Variants in JARID2 observed in about 807,000 individuals in gnomAD.
JARID2 encodes jumonji and AT-rich interaction domain containing 2, also known as protein Jumonji.
A neutral mutation model predicts 125.6 loss-of-function variants in JARID2; 21 were observed. The observed-to-expected ratio is 0.17, with a 90% CI of 0.12 to 0.24. JARID2 has a LOEUF of 0.24. JARID2 is among the 10% of genes least tolerant of loss of function. The probability of loss-of-function intolerance (pLI) is 1.00; values close to 1 mark genes in which losing one functional copy is unlikely to be tolerated. For missense variants in JARID2, 1,303 were observed against 1,639.6 expected, an observed-to-expected ratio of 0.79 and a Z score of 3.55; for synonymous variants, 736 against 661.6, an observed-to-expected ratio of 1.11 and a Z score of -1.73.
intron 1 of JARID2, among the ~76,000 whole-genome samples, chr6:15,315,366 G>T (rs925219291): frequency 7.2e-5 from 11 of 152,156 alleles, no homozygotes; most frequent in African/African-American, 2.7e-4. Context: ...GATTAATTAC[G>T]AAGGTTGATG....
At chr6:15,258,455 G>A (rs958975741) in intron 1 of JARID2, among the ~76,000 whole-genome samples, 1 of 152,138 alleles carries the variant, frequency 6.6e-6, no homozygotes, top group East Asian at 1.9e-4. Context: ...TTTGTGGGAG[G>A]CTGAATCAAA....
chr6:15,423,127 T>G (rs1323806356), intron 3 of JARID2, among the ~76,000 whole-genome samples: 1 of 151,968 alleles, frequency 6.6e-6, no homozygotes, highest in Admixed American at 6.6e-5. Flanking sequence ...AGCCTCCAAG[T>G]AGGTGGGACT....
At chr6:15,293,824 A>G (rs560866509) in intron 1 of JARID2, among the ~76,000 whole-genome samples, 99 of 152,330 alleles carry the variant, frequency 6.5e-4, no homozygotes, top group African/African-American at 2.3e-3. Flanking sequence ...GCATCTGGCC[A>G]ACTCCTCTGC....
At chr6:15,436,518 A>C (rs1767210663) in intron 3 of JARID2, among the ~76,000 whole-genome samples, 1 of 152,150 alleles carries the variant, frequency 6.6e-6, no homozygotes, top group Admixed American at 6.5e-5. Context: ...GGGGCGTGGC[A>C]GATCAGGGTG....
intron 3 of JARID2, among the ~76,000 whole-genome samples, chr6:15,432,470 C>A (rs72836324): frequency 9.5e-5 from 12 of 126,494 alleles, no homozygotes; most frequent in Non-Finnish European, 1.5e-4. Flanking sequence ...ACAACAACAA[C>A]AACAACAACA....
rs745910520 is a variant in JARID2 at position 15,413,002 on chromosome 6, G to GTTTTTTTTTTTTTTTTTTTTTTT, written c.323+2642_323+2643insTTTTTTTTTTTTTTTTTTTTTTT. ...AACATTATACATGGGAAGAGCTTGT[G>GTTTTTTTTTTTTTTTTTTTTTTT]TTTTTGTTTTTTTTTTTTTTGTTTT... On this transcript the variant is annotated intron_variant, in intron 3 of 17. Coordinates refer to ENST00000341776, the MANE Select transcript of JARID2 (RefSeq NM_004973.4). 4.5e-4 allele frequency among the ~76,000 whole-genome samples: 21 copies of GTTTTTTTTTTTTTTTTTTTTTTT among 46,556 alleles called. 7 individuals carry two copies. The highest frequency in any genetic ancestry group is 5.5e-4 in the Admixed American group (2 of 3,628). The allele number at this position is 46,556 out of a possible 152,430, so 30.5% of individuals were successfully genotyped here.
At chr6:15,383,450 CCATTG>C (rs1256286841) in intron 2 of JARID2, among the ~76,000 whole-genome samples, 1 of 152,108 alleles carries the variant, frequency 6.6e-6, no homozygotes, top group African/African-American at 2.4e-5. Flanking sequence ...TTCATTCCCA[CCATTG>C]TAGAAACATG....
chr6:15,493,764 T>G (rs1180995096), intron 6 of JARID2, among the ~76,000 whole-genome samples: 1 of 152,186 alleles, frequency 6.6e-6, no homozygotes, highest in East Asian at 1.9e-4. Flanking sequence ...TGTTTTGGTT[T>G]TAGTGGAAGC....
chr6:15,513,427 G>T lies in JARID2; in HGVS notation c.3450+5G>T. On this transcript the variant is annotated splice_donor_5th_base_variant and intron_variant, in intron 16 of 17. Transcript: ENST00000341776. ...CACCTGTGCTACCTGTCCATGGTGAGCCCGCCTGGCCCTGCCGGCGCCCTC... is the reference window on the plus strand; with the variant it reads ...CACCTGTGCTACCTGTCCATGGTGATCCCGCCTGGCCCTGCCGGCGCCCTC... The T allele has an allele frequency of 6.3e-7, 1 of 1,592,278 alleles. No individual in the cohort carries two copies.
chr6:15,460,449 G>T (rs1250238361), intron 4 of JARID2, among the ~76,000 whole-genome samples: 1 of 152,180 alleles, frequency 6.6e-6, no homozygotes, highest in Non-Finnish European at 1.5e-5. Context: ...GAGTCCTTGA[G>T]TCTTTCTGAA....
intron 1 of JARID2, 50 bp downstream of exon 1, chr6:15,246,634 C>T: frequency 2.8e-6 from 4 of 1,419,640 alleles, no homozygotes; most frequent in Non-Finnish European, 4.0e-6. Context: ...TAAGCAATGG[C>T]TGTGAATGTC....
chr6:15,377,322 C>T (rs1764393773), intron 2 of JARID2, among the ~76,000 whole-genome samples: 1 of 151,892 alleles, frequency 6.6e-6, no homozygotes, highest in African/African-American at 2.4e-5. Flanking sequence ...GAGACTTACT[C>T]ACTATCACAA....
chr6:15,377,314 GACTT>G (rs1395905898), intron 2 of JARID2, among the ~76,000 whole-genome samples: 2 of 152,116 alleles, frequency 1.3e-5, no homozygotes, highest in Non-Finnish European at 2.9e-5. Context: ...GATTTCGTGA[GACTT>G]ACTCACTATC....
chr6:15,510,883 C>T (rs373708552), intron 12 of JARID2, among the ~76,000 whole-genome samples: 1 of 152,242 alleles, frequency 6.6e-6, no homozygotes, highest in Admixed American at 6.5e-5. Flanking sequence ...TTATCAGGTG[C>T]TGCTCCTGCA....
At chr6:15,304,261 C>T (rs905728945) in intron 1 of JARID2, among the ~76,000 whole-genome samples, 2 of 150,686 alleles carry the variant, frequency 1.3e-5, no homozygotes, top group African/African-American at 4.9e-5. Context: ...TCCTTTTCCT[C>T]CCTCCTGGAG....
At chr6:15,316,389 T>C (rs1762181203) in intron 1 of JARID2, among the ~76,000 whole-genome samples, 2 of 152,220 alleles carry the variant, frequency 1.3e-5, no homozygotes, top group South Asian at 4.1e-4. Context: ...TCTATGCTTC[T>C]GTCTCAGATT....
At chr6:15,468,822 C>G in intron 5 of JARID2, 104 bp downstream of exon 5, 2 of 1,103,828 alleles carry the variant, frequency 1.8e-6, no homozygotes, top group Non-Finnish European at 2.6e-6. Context: ...AAAGCTCGTT[C>G]TGGGTACTTC....
intron 1 of JARID2, chr6:15,248,396 CCTGCGGG>C (rs1324025521): frequency 1.7e-5 from 2 of 118,038 alleles, no homozygotes; most frequent in East Asian, 2.6e-4. Context: ...GGTGGCGCGG[CCTGCGGG>C]GCGCGGGGAG....
chr6:15,328,249 C>T (rs542117849), intron 1 of JARID2, among the ~76,000 whole-genome samples: 13 of 152,094 alleles, frequency 8.5e-5, no homozygotes, highest in African/African-American at 4.8e-5. Context: ...ATTCAGGTAG[C>T]GATAGAGCTT....
Sources: allele counts gnomAD v4.1 joint callset (sites outside exome capture counted in the v4.1 genomes callset), GRCh38; gene constraint gnomAD v4.1.1; transcripts MANE v1.5; gene names NCBI Gene and HGNC (gene_info 2026-07-23, HGNC 2026-07-21).